The following WNK3 variants were observed in gnomAD, a reference collection of about 807,000 sequenced individuals.
WNK3 encodes the protein serine/threonine-protein kinase WNK3.
A neutral mutation model predicts 116.7 loss-of-function variants in WNK3; 18 were observed. The ratio of observed to expected loss-of-function variants is 0.15; its 90% confidence interval spans 0.11 to 0.23. The LOEUF (loss-of-function observed/expected upper bound fraction) is 0.23, where lower values mean the gene tolerates loss of function less well. Ranked by LOEUF, WNK3 falls within the 10% of genes least tolerant of loss-of-function variation. The pLI is 1.00. For synonymous variants in WNK3, 404 were observed against 469.4 expected (o/e 0.86, Z 1.80); for missense variants, 993 against 1,323.8 (o/e 0.75, Z 3.88).
chrX:54,355,070 C>T (rs888664968), intron 1 of WNK3, among the ~76,000 whole-genome samples: 1 of 111,191 alleles, frequency 9.0e-6, no homozygotes, highest in African/African-American at 3.3e-5. Flanking sequence ...GGTGACAGAG[C>T]GAGACTCCCT....
intron 2 of WNK3, among the ~76,000 whole-genome samples, chrX:54,319,137 T>C (rs1197004102): frequency 4.5e-5 from 5 of 110,258 alleles, no homozygotes; most frequent in African/African-American, 1.3e-4. Context: ...CTACTCATGA[T>C]AGACAGCAGA....
intron 1 of WNK3, among the ~76,000 whole-genome samples, chrX:54,346,695 C>T (rs571260770): frequency 2.7e-5 from 3 of 109,725 alleles, no homozygotes; most frequent in Non-Finnish European, 3.8e-5. Context: ...GAAGAGATTT[C>T]GGGCAAATTA....
At chrX:54,221,738 G>A (rs782011330) in intron 22 of WNK3, among the ~76,000 whole-genome samples, 2 of 111,070 alleles carry the variant, frequency 1.8e-5, no homozygotes, top group Non-Finnish European at 3.8e-5. Flanking sequence ...AGGTAGCTGA[G>A]GCAGGAGAAT....
chrX:54,222,900 A>T (rs2067781529), intron 22 of WNK3, among the ~76,000 whole-genome samples: 1 of 87,157 alleles, frequency 1.1e-5, no homozygotes, highest in Non-Finnish European at 2.1e-5. Flanking sequence ...ATAGTATAAT[A>T]ATAATAATAA....
intron 10 of WNK3, among the ~76,000 whole-genome samples, chrX:54,276,597 A>G (rs2068450814): frequency 4.5e-5 from 5 of 111,532 alleles, no homozygotes; most frequent in South Asian, 7.6e-4. Flanking sequence ...TTCCAAGGAC[A>G]TGAAGGCTGT....
At chrX:54,243,181 C>T (rs1274523162) in intron 17 of WNK3, among the ~76,000 whole-genome samples, 3 of 106,932 alleles carry the variant, frequency 2.8e-5, no homozygotes, top group Non-Finnish European at 3.9e-5. Context: ...TCTGGGAGGC[C>T]GAGGCGGGCG....
chrX:54,198,159 T>C, exon 24 of WNK3: 2 of 403,226 alleles, frequency 5.0e-6, no homozygotes, highest in South Asian at 7.8e-5. Flanking sequence ...TTCTACAGAA[T>C]GATGAGCTGT....
chrX:54,228,775 A>C (rs1330359116), intron 21 of WNK3, 32 bp from the exon 22 acceptor site: 2 of 463,304 alleles, frequency 4.3e-6, no homozygotes, highest in East Asian at 7.5e-5. Context: ...ATAGTATCAA[A>C]ATTTTCAAAA....
rs984892571 is a variant in WNK3, at chrX:54,231,288, T to C, written c.4840+1521A>G. ...TCTTTACAAGATCATCCAAGTACAG[T>C]TCCTTTTCTTGGGTTCTGTATTAGT... On this transcript the variant is annotated intron_variant, in intron 21 of 23. Transcript: ENST00000354646. 4.5e-5 allele frequency among the ~76,000 whole-genome samples: 5 copies of C among 112,240 alleles called. No homozygotes were observed. In the East Asian group the frequency reaches 1.4e-3, roughly 31 times the overall value.
exon 2 of WNK3, chrX:54,333,419 C>T (rs781899650): frequency 8.3e-7 from 1 of 1,211,892 alleles, no homozygotes; most frequent in Non-Finnish European, 1.1e-6. Flanking sequence ...TTGGAATATT[C>T]ATTGCAGCCT....
intron 10 of WNK3, among the ~76,000 whole-genome samples, chrX:54,267,748 A>G (rs1463510443): frequency 9.1e-6 from 1 of 110,207 alleles, no homozygotes; most frequent in Non-Finnish European, 1.9e-5. Flanking sequence ...GTGAGCCAAG[A>G]CAGCACCACT....
intron 1 of WNK3, among the ~76,000 whole-genome samples, chrX:54,339,755 G>T (rs782154749): frequency 8.9e-6 from 1 of 112,237 alleles, no homozygotes; most frequent in East Asian, 2.8e-4. Flanking sequence ...AAATACAAAA[G>T]CTAAAACTAT....
chrX:54,270,892 T>A (rs781864109), intron 10 of WNK3, among the ~76,000 whole-genome samples: 2 of 111,323 alleles, frequency 1.8e-5, no homozygotes, highest in Non-Finnish European at 3.8e-5. Context: ...TTCATCCATG[T>A]CCCTGCAAAG....
At chrX:54,287,823 C>A (rs1388298350) in intron 10 of WNK3, among the ~76,000 whole-genome samples, 1 of 111,906 alleles carries the variant, frequency 8.9e-6, no homozygotes, top group Non-Finnish European at 1.9e-5. Context: ...TCACTATCAT[C>A]CTGACCCTTA....
chrX:54,238,921 G>A (rs1306216232), exon 18 of WNK3: 1 of 1,204,749 alleles, frequency 8.3e-7, no homozygotes, highest in Non-Finnish European at 1.1e-6. Context: ...TAGCCTGTAT[G>A]CCCAGCTTTT....
At chrX:54,258,206 A>G (rs2068216488) in intron 11 of WNK3, among the ~76,000 whole-genome samples, 1 of 94,228 alleles carries the variant, frequency 1.1e-5, no homozygotes, top group African/African-American at 3.9e-5. Flanking sequence ...GGAACCCAGG[A>G]GGTGGAGGTT....
chrX:54,268,080 GCACACACA>G (rs57010526), intron 10 of WNK3, among the ~76,000 whole-genome samples: 2,396 of 80,773 alleles, frequency 0.03, 74 homozygotes, highest in African/African-American at 0.087. Flanking sequence ...CTGAATGCGT[GCACACACA>G]CACACACACA....
intron 2 of WNK3, among the ~76,000 whole-genome samples, chrX:54,317,550 A>G (rs2147201295): frequency 9.0e-6 from 1 of 111,647 alleles, no homozygotes; most frequent in South Asian, 3.8e-4. Flanking sequence ...TGAGGTACCT[A>G]CAATAGGCAC....
At chrX:54,238,812 TAAGTA>T in intron 18 of WNK3, 51 bp downstream of exon 18, 4 of 941,895 alleles carry the variant, frequency 4.2e-6, no homozygotes, top group Non-Finnish European at 5.7e-6. Context: ...ACAAAAAAAA[TAAGTA>T]AATGAAAAGT....
Sources: gnomAD v4.1 joint callset for allele counts (sites outside exome capture counted in the v4.1 genomes callset) on GRCh38, gnomAD v4.1.1 for gene constraint, MANE v1.5 for transcripts, NCBI Gene and HGNC (gene_info 2026-07-23, HGNC 2026-07-21) for gene names.